The following ZNF385D variants were observed in gnomAD, a reference collection of about 807,000 sequenced individuals.
ZNF385D encodes the protein zinc finger protein 385D.
ZNF385D carries 15 observed loss-of-function variants against 35.8 expected under a neutral mutation model. That is an observed-to-expected ratio of 0.42 (90% CI 0.28 to 0.64). The LOEUF (loss-of-function observed/expected upper bound fraction) is 0.64, where lower values mean the gene tolerates loss of function less well. ZNF385D is among the 30% of genes least tolerant of loss of function. The probability of loss-of-function intolerance (pLI) is 0.23; values close to 1 mark genes in which losing one functional copy is unlikely to be tolerated. For missense variants in ZNF385D, 474 were observed against 494.6 expected (o/e 0.96, Z 0.39); for synonymous variants, 212 against 186.8 (o/e 1.13, Z -1.10).
chr3:21,850,954 T>C (rs113607215), intron 3 of ZNF385D, among the ~76,000 whole-genome samples: 148 of 152,124 alleles, frequency 9.7e-4, no homozygotes, highest in African/African-American at 3.2e-3. Context: ...ATTCAAATAT[T>C]TGGCATCCAA....
At chr3:21,941,049 A>C (rs1701491553) in intron 3 of ZNF385D, among the ~76,000 whole-genome samples, 1 of 152,198 alleles carries the variant, frequency 6.6e-6, no homozygotes, top group Admixed American at 6.5e-5. Context: ...ATTATCTTGG[A>C]AAGTGTGATT....
chr3:22,369,454 A>C (rs1038324645), intron 2 of ZNF385D, among the ~76,000 whole-genome samples: 2 of 152,172 alleles, frequency 1.3e-5, no homozygotes, highest in Non-Finnish European at 2.9e-5. Context: ...AGCTACTATA[A>C]AAACCTCCTT....
chr3:21,756,059 T>G (rs1324022936), upstream of ZNF385D, among the ~76,000 whole-genome samples: 2 of 152,194 alleles, frequency 1.3e-5, no homozygotes, highest in East Asian at 3.9e-4. Flanking sequence ...GATATAACTT[T>G]GGAGCAACGT....
chr3:22,095,439 A>G (rs576277600), intron 3 of ZNF385D, among the ~76,000 whole-genome samples: 5 of 151,848 alleles, frequency 3.3e-5, no homozygotes, highest in Non-Finnish European at 7.4e-5. Context: ...CTCAAATATT[A>G]TCTACCTAGT....
chr3:22,264,617 G>C (rs1395358970), intron 2 of ZNF385D, among the ~76,000 whole-genome samples: 1 of 151,840 alleles, frequency 6.6e-6, no homozygotes, highest in Non-Finnish European at 1.5e-5. Context: ...CATATGCGGT[G>C]AAATATTAAT....
chr3:21,717,484 T>A (rs2068369406), intron 1 of ZNF385D, among the ~76,000 whole-genome samples: 1 of 152,206 alleles, frequency 6.6e-6, no homozygotes, highest in African/African-American at 2.4e-5. Context: ...GCCAATGTAA[T>A]CTTGCCAAAA....
chr3:22,027,950 G>A (rs1291575255), intron 3 of ZNF385D, among the ~76,000 whole-genome samples: 1 of 152,130 alleles, frequency 6.6e-6, no homozygotes, highest in Non-Finnish European at 1.5e-5. Flanking sequence ...CCCCTTTCTA[G>A]GACATCCCTG....
intron 3 of ZNF385D, among the ~76,000 whole-genome samples, chr3:22,049,070 G>A (rs140805792): frequency 0.021 from 3,121 of 152,122 alleles, 65 homozygotes; most frequent in Middle Eastern, 0.065. Context: ...GCCTATGTGG[G>A]TGGATAATTT....
chr3:22,280,289 C>A (rs1426549971), intron 2 of ZNF385D, among the ~76,000 whole-genome samples: 1 of 150,322 alleles, frequency 6.7e-6, no homozygotes, highest in Non-Finnish European at 1.5e-5. Flanking sequence ...TAAATCCCAT[C>A]TATTTGTATT....
chr3:21,998,457 A>T (rs1423930768), intron 3 of ZNF385D, among the ~76,000 whole-genome samples: 1 of 152,216 alleles, frequency 6.6e-6, no homozygotes, highest in Non-Finnish European at 1.5e-5. Flanking sequence ...TGAGAAATTC[A>T]GCATATCTTT....
At chr3:21,458,166 C>G (rs1702936326) in intron 4 of ZNF385D, among the ~76,000 whole-genome samples, 1 of 151,964 alleles carries the variant, frequency 6.6e-6, no homozygotes, top group Non-Finnish European at 1.5e-5. Flanking sequence ...AAATGTAACT[C>G]AAGGTTAAGA....
chr3:21,705,184 T>C (rs2067851659), intron 1 of ZNF385D, among the ~76,000 whole-genome samples: 1 of 152,332 alleles, frequency 6.6e-6, no homozygotes, highest in South Asian at 2.1e-4. Context: ...ATGAACCAAA[T>C]GAAATATCTG....
chr3:21,605,048 G>C lies in ZNF385D; in HGVS notation c.166-40364C>G, dbSNP rs112165568. Reference sequence around the variant, plus strand: ...GAAAGATTCTGAAGTGTAGAAGGGAGAACTTAAATGGAAATTACACTTTGT... The same window carrying C: ...GAAAGATTCTGAAGTGTAGAAGGGACAACTTAAATGGAAATTACACTTTGT... On this transcript the variant is annotated intron_variant, in intron 2 of 7. Coordinates refer to ENST00000281523, the MANE Select transcript of ZNF385D (RefSeq NM_024697.3). Among the ~76,000 whole-genome samples, 927 of 152,258 alleles carry C rather than the reference G, an allele frequency of 6.1e-3. 12 individuals carry two copies. Among genetic ancestry groups the C allele is most frequent in the African/African-American group, 0.021 (866 of 41,550 alleles).
chr3:21,860,347 A>G (rs1696979592), intron 3 of ZNF385D, among the ~76,000 whole-genome samples: 1 of 152,146 alleles, frequency 6.6e-6, no homozygotes, highest in African/African-American at 2.4e-5. Context: ...TTGCAAAGAC[A>G]AGCAGTCAAA....
Position 21,983,162 on chromosome 3 carries a change from T to A in ZNF385D, c.325+185655A>T, listed in dbSNP as rs942228877. 4.4e-4 allele frequency among the ~76,000 whole-genome samples: 28 copies of A among 63,406 alleles called. No individual in the cohort carries two copies. In the African/African-American group the frequency reaches 6.0e-3, roughly 14 times the overall value. 41.6% of individuals were successfully genotyped at this position (63,406 alleles called of 152,430 possible). The stretch of plus-strand genomic sequence containing the variant: ...ATTTTTTATTTTATTTTATTTTATT[T>A]TATTATTTTTTTTTATTATACTTTA... On this transcript the variant is annotated intron_variant, in intron 3 of 5. Transcript: ENST00000494108.
chr3:21,752,472 G>A (rs1575590909), upstream of ZNF385D, among the ~76,000 whole-genome samples: 1 of 152,006 alleles, frequency 6.6e-6, no homozygotes, highest in African/African-American at 2.4e-5. Context: ...ATATCTCTTG[G>A]TGGATTTAAT....
chr3:21,516,803 C>A (rs1707595988), intron 3 of ZNF385D, among the ~76,000 whole-genome samples: 1 of 151,636 alleles, frequency 6.6e-6, no homozygotes, highest in African/African-American at 2.4e-5. Flanking sequence ...AGGGTCTGTC[C>A]CAGCTAGGAA....
intron 2 of ZNF385D, among the ~76,000 whole-genome samples, chr3:21,656,786 C>T (rs1046530996): frequency 1.3e-4 from 19 of 151,856 alleles, no homozygotes; most frequent in Non-Finnish European, 2.5e-4. Context: ...GCTTGCTTAC[C>T]TGTAAAATAA....
chr3:21,772,120 C>T (rs188867248), intron 3 of ZNF385D, among the ~76,000 whole-genome samples: 55 of 151,966 alleles, frequency 3.6e-4, no homozygotes, highest in Admixed American at 3.5e-3. Context: ...AGAAATATAA[C>T]GCTTCTAGAA....
Sources: allele counts gnomAD v4.1 joint callset (sites outside exome capture counted in the v4.1 genomes callset), GRCh38; gene constraint gnomAD v4.1.1; transcripts MANE v1.5; gene names NCBI Gene and HGNC (gene_info 2026-07-23, HGNC 2026-07-21).